The following CELF4 variants were observed in gnomAD, a reference collection of about 807,000 sequenced individuals.
CELF4 encodes CUG-BP- and ETR-3-like factor 4.
A neutral mutation model predicts 59.9 loss-of-function variants in CELF4; 18 were observed. The ratio of observed to expected loss-of-function variants is 0.30; its 90% CI spans 0.21 to 0.45. The LOEUF (loss-of-function observed/expected upper bound fraction) is 0.45. Ranked by LOEUF, CELF4 falls within the 20% of genes least tolerant of loss-of-function variation. CELF4 has a pLI of 1.00. For synonymous variants in CELF4, 261 were observed against 267.1 expected (o/e 0.98, Z 0.22); for missense variants, 456 against 689.0 (o/e 0.66, Z 3.79).
intron 2 of CELF4, among the ~76,000 whole-genome samples, chr18:37,339,266 C>T (rs1286473281): frequency 6.6e-6 from 1 of 152,208 alleles, no homozygotes; most frequent in Admixed American, 6.5e-5. Context: ...GCTGGCAAGC[C>T]ACTGCTTCTG....
At chr18:37,471,245 C>T (rs946579535) in intron 2 of CELF4, among the ~76,000 whole-genome samples, 1 of 152,154 alleles carries the variant, frequency 6.6e-6, no homozygotes, top group African/African-American at 2.4e-5. Context: ...GGCCTCAGCT[C>T]CTGTTCCTGA....
intron 1 of CELF4, among the ~76,000 whole-genome samples, chr18:37,489,490 G>C (rs1282482725): frequency 6.6e-6 from 1 of 152,138 alleles, no homozygotes; most frequent in Non-Finnish European, 1.5e-5. Context: ...AGGGAATGGG[G>C]GTGGGACACA....
intron 1 of CELF4, among the ~76,000 whole-genome samples, chr18:37,518,352 G>A (rs1382548155): frequency 2.6e-5 from 4 of 152,200 alleles, no homozygotes; most frequent in African/African-American, 9.7e-5. Context: ...CACACAGCCC[G>A]TGGCTCGCTT....
intron 1 of CELF4, among the ~76,000 whole-genome samples, chr18:37,539,491 ACG>A (rs1491035794): frequency 2.7e-5 from 4 of 146,056 alleles, no homozygotes; most frequent in African/African-American, 7.6e-5. Context: ...ACACACACAC[ACG>A]CGTGCACGTG....
intron 6 of CELF4, chr18:37,273,874 G>A: frequency 2.0e-6 from 2 of 1,006,174 alleles, no homozygotes; most frequent in Non-Finnish European, 2.4e-6. Context: ...TGGGTGTGTA[G>A]GGCTTTAGGG....
chr18:37,370,798 A>C (rs2098851729), intron 2 of CELF4, among the ~76,000 whole-genome samples: 1 of 152,148 alleles, frequency 6.6e-6, no homozygotes. Flanking sequence ...CAATCATGTA[A>C]AATCCTTCAG....
At chr18:37,499,529 A>G (rs1182155463) in intron 1 of CELF4, among the ~76,000 whole-genome samples, 1 of 152,172 alleles carries the variant, frequency 6.6e-6, no homozygotes, top group African/African-American at 2.4e-5. Context: ...CAGGTCCCTC[A>G]TGGGAAGGGA....
chr18:37,279,083 C>G (rs1339661357), intron 3 of CELF4, among the ~76,000 whole-genome samples: 1 of 152,176 alleles, frequency 6.6e-6, no homozygotes. Context: ...CAGAGAAGGC[C>G]CTGGCCACTG....
intron 1 of CELF4, among the ~76,000 whole-genome samples, chr18:37,518,996 C>A (rs569124249): frequency 4.6e-4 from 70 of 152,290 alleles, no homozygotes; most frequent in South Asian, 8.3e-4. Flanking sequence ...CCCCCTCCTC[C>A]AGGGGACTGA....
At chr18:37,395,017 G>C (rs1232598942) in intron 2 of CELF4, among the ~76,000 whole-genome samples, 1 of 142,166 alleles carries the variant, frequency 7.0e-6, no homozygotes, top group Non-Finnish European at 1.5e-5. Context: ...GCAGATCCAA[G>C]TCTCACCTGT....
chr18:37,260,096 T>C (rs992110934), intron 10 of CELF4, among the ~76,000 whole-genome samples: 2 of 152,146 alleles, frequency 1.3e-5, no homozygotes, highest in African/African-American at 4.8e-5. Flanking sequence ...ACTTCACAGA[T>C]GAGGAAGTGA....
rs2066626213 is a variant in CELF4, at chr18:37,253,159, GCAGGGC to G, written c.*44+602_*44+607del. On this transcript the variant is annotated intron_variant, in intron 12 of 12. Transcript: ENST00000420428. This position sits in a 1 kb window ranked among gnomAD's most constrained non-coding sequence, Gnocchi z 4.5. Reference sequence around the variant, plus strand: ...ACTCATCATGACCCGTGTGGGGCAGGCAGGGCCCGGGATCTCAGTGCTGTACCATCA... The same window carrying G: ...ACTCATCATGACCCGTGTGGGGCAGGCCGGGATCTCAGTGCTGTACCATCA... Among the ~76,000 whole-genome samples the G allele has an allele frequency of 6.6e-6, 1 of 152,188 alleles. No individual in the cohort carries two copies. The highest frequency in any genetic ancestry group is 2.1e-4 in the South Asian group (1 of 4,822).
At chr18:37,343,952 G>C (rs2098152956) in intron 2 of CELF4, among the ~76,000 whole-genome samples, 2 of 152,012 alleles carry the variant, frequency 1.3e-5, no homozygotes, top group Non-Finnish European at 2.9e-5. Context: ...GCCAGGAATG[G>C]TCTCTCTGCA....
intron 2 of CELF4, among the ~76,000 whole-genome samples, chr18:37,459,891 T>G (rs1049172981): frequency 6.6e-6 from 1 of 152,236 alleles, no homozygotes; most frequent in Non-Finnish European, 1.5e-5. Context: ...AGATGCTTTC[T>G]TCTAAATACA....
At chr18:37,428,549 G>C (rs1331864604) in intron 2 of CELF4, among the ~76,000 whole-genome samples, 1 of 152,178 alleles carries the variant, frequency 6.6e-6, no homozygotes, top group Admixed American at 6.5e-5. Context: ...ACATCCAAAG[G>C]GGCTGCACCT....
At chr18:37,419,366 A>G (rs2099554506) in intron 2 of CELF4, among the ~76,000 whole-genome samples, 1 of 152,194 alleles carries the variant, frequency 6.6e-6, no homozygotes, top group Admixed American at 6.5e-5. Flanking sequence ...CTACTTGGAG[A>G]ACCACTGGCA....
At chr18:37,362,327 T>G (rs1209351390) in intron 2 of CELF4, among the ~76,000 whole-genome samples, 1 of 152,120 alleles carries the variant, frequency 6.6e-6, no homozygotes, top group African/African-American at 2.4e-5. Context: ...GTTAATCAAG[T>G]CAGGGTTGCG....
Position 37,253,817 on chromosome 18 carries a change from C to A in CELF4, c.1455G>T (p.Pro485=). Residue 485 remains proline (P), a synonymous_variant, in exon 12 of 13, where the codon CCG becomes CCT. Coordinates refer to ENST00000420428, the MANE Select transcript of CELF4 (RefSeq NM_020180.4). This position sits in a 1 kb window ranked among gnomAD's most constrained non-coding sequence, Gnocchi z 4.5. ...QLKRPKDANR[P]Y ...GGGACGCTCCCGCCGGCGCTCAGTACGGGCGATTGGCGTCTTTGGGCCGCT... is the reference window on the plus strand; with the variant it reads ...GGGACGCTCCCGCCGGCGCTCAGTAAGGGCGATTGGCGTCTTTGGGCCGCT... 1 of 1,601,118 alleles carries A rather than the reference C, an allele frequency of 6.2e-7. No individual in the cohort carries two copies. The highest frequency in any genetic ancestry group is 8.5e-7 in the Non-Finnish European group (1 of 1,174,062).
chr18:37,298,100 T>C (rs1158864957), intron 3 of CELF4, among the ~76,000 whole-genome samples: 2 of 152,206 alleles, frequency 1.3e-5, no homozygotes, highest in African/African-American at 2.4e-5. Context: ...AGGTGTCTGC[T>C]AGAGTTAGGG....
Sources: allele counts gnomAD v4.1 joint callset (sites outside exome capture counted in the v4.1 genomes callset), GRCh38; gene constraint gnomAD v4.1.1; non-coding constraint Gnocchi (gnomAD v3.1); transcripts MANE v1.5; gene names NCBI Gene and HGNC (gene_info 2026-07-23, HGNC 2026-07-21).